Variants in CEMIP2 observed in about 807,000 individuals in gnomAD.
CEMIP2 encodes the protein cell surface hyaluronidase CEMIP2.
Under a neutral mutation model 146.9 loss-of-function variants are expected in CEMIP2, and 79 were observed. The ratio of observed to expected loss-of-function variants is 0.54; its 90% CI spans 0.45 to 0.65. The LOEUF (loss-of-function observed/expected upper bound fraction) is 0.65, where lower values mean the gene tolerates loss of function less well. Ranked by LOEUF, CEMIP2 falls within the 30% of genes least tolerant of loss-of-function variation. The probability of loss-of-function intolerance (pLI) is 0.00; values close to 1 mark genes in which losing one functional copy is unlikely to be tolerated. For missense variants in CEMIP2, 1,596 were observed against 1,696.2 expected (o/e 0.94, Z 1.04); for synonymous variants, 601 against 606.3 (o/e 0.99, Z 0.13).
intron 18 of CEMIP2, among the ~76,000 whole-genome samples, chr9:71,701,363 CCCAGAGTGCTGGGATT>C (rs1283769353): frequency 5.3e-5 from 8 of 152,182 alleles, no homozygotes; most frequent in African/African-American, 1.9e-4. Context: ...ACCTCAGCCT[CCCAGAGTGCTGGGATT>C]ACAGGCGTGA....
chr9:71,714,882 G>C, intron 15 of CEMIP2, 52 bp downstream of exon 15: 1 of 1,579,566 alleles, frequency 6.3e-7, no homozygotes, highest in Non-Finnish European at 8.6e-7. Context: ...CTGAGGGTTA[G>C]GTTTTCCTTT....
At chr9:71,695,947 C>T (rs1822388750) in intron 20 of CEMIP2, among the ~76,000 whole-genome samples, 1 of 151,916 alleles carries the variant, frequency 6.6e-6, no homozygotes, top group African/African-American at 2.4e-5. Context: ...GAGACCCCGC[C>T]TCTATATTTA....
intron 19 of CEMIP2, among the ~76,000 whole-genome samples, chr9:71,698,765 C>T (rs1356168605): frequency 6.6e-6 from 1 of 152,116 alleles, no homozygotes; most frequent in Non-Finnish European, 1.5e-5. Context: ...GCAAAATGAA[C>T]AGTCCATCCC....
rs748959123 is a variant in CEMIP2 at position 71,732,448 on chromosome 9, G to A, written c.1466C>T (p.Thr489Ile). Residue 489 changes from threonine to isoleucine, a missense_variant, in exon 7 of 24, where the codon ACC becomes ATC. Thr to Ile is a moderately conservative substitution (Grantham distance 89, BLOSUM62 -1). Coordinates refer to ENST00000377044, the MANE Select transcript of CEMIP2 (RefSeq NM_013390.3). Reference protein sequence around the residue: ...VDMRAEVGILTRNIVIQGEVE... With the variant: ...VDMRAEVGILIRNIVIQGEVE... ...TTCTCCTTGGATCACAATATTCCGG[G>A]TAAGAATTCCAACCTCAGCTCTCAT... 8.1e-6 allele frequency: 13 copies of A among 1,613,842 alleles called. No individual in the cohort carries two copies. The South Asian group carries it at 1.4e-4, about 18-fold the overall frequency.
chr9:71,697,062 A>C (rs1251622212), intron 20 of CEMIP2, among the ~76,000 whole-genome samples: 3 of 152,196 alleles, frequency 2.0e-5, no homozygotes, highest in Non-Finnish European at 4.4e-5. Context: ...CTCAAATGTG[A>C]ACATGTATCA....
At chr9:71,698,333 A>T in intron 19 of CEMIP2, 129 bp from the exon 20 acceptor site, 1 of 734,612 alleles carries the variant, frequency 1.4e-6, no homozygotes, top group South Asian at 1.8e-5. Flanking sequence ...CATAAATTAC[A>T]AAATGAATAG....
At chr9:71,743,417 C>T (rs1177551593) in intron 4 of CEMIP2, among the ~76,000 whole-genome samples, 1 of 152,084 alleles carries the variant, frequency 6.6e-6, no homozygotes, top group African/African-American at 2.4e-5. Flanking sequence ...GCATGTGTAT[C>T]ATATTTCAAA....
intron 11 of CEMIP2, among the ~76,000 whole-genome samples, chr9:71,723,607 T>C (rs1823304491): frequency 6.6e-6 from 1 of 152,214 alleles, no homozygotes; most frequent in African/African-American, 2.4e-5. Flanking sequence ...GACAGACATA[T>C]GAGAATAGGT....
intron 16 of CEMIP2, 53 bp from the exon 17 acceptor site, chr9:71,709,527 A>C: frequency 1.4e-5 from 21 of 1,474,732 alleles, no homozygotes; most frequent in Non-Finnish European, 1.9e-5. Flanking sequence ...CTGCTATCTC[A>C]GCATCCCCTG....
intron 2 of CEMIP2, 30 bp from the exon 3 acceptor site, chr9:71,746,371 C>T (rs1406264150): frequency 6.2e-7 from 1 of 1,611,174 alleles, no homozygotes. Flanking sequence ...CCATCCAACC[C>T]ATTAAAATGC....
At chr9:71,728,475 C>T (rs996481832) in intron 10 of CEMIP2, among the ~76,000 whole-genome samples, 3 of 149,136 alleles carry the variant, frequency 2.0e-5, no homozygotes, top group Non-Finnish European at 4.4e-5. Context: ...GAGCAAGACC[C>T]TGTCTCAGGG....
intron 10 of CEMIP2, among the ~76,000 whole-genome samples, chr9:71,727,702 A>T (rs1450704801): frequency 6.6e-6 from 1 of 152,238 alleles, no homozygotes; most frequent in Admixed American, 6.5e-5. Flanking sequence ...GTATCACTGC[A>T]AATTTCATTT....
chr9:71,743,768 C>T (rs1168368527), intron 4 of CEMIP2, among the ~76,000 whole-genome samples: 2 of 152,180 alleles, frequency 1.3e-5, no homozygotes, highest in Non-Finnish European at 2.9e-5. Flanking sequence ...CTAAATATCC[C>T]CTACATGAAT....
chr9:71,695,019 C>T (rs1042894779), intron 20 of CEMIP2, among the ~76,000 whole-genome samples: 2 of 151,802 alleles, frequency 1.3e-5, no homozygotes, highest in East Asian at 1.9e-4. Context: ...TGTTAAGAAA[C>T]GTTTACTAAC....
At chr9:71,728,754 T>C (rs563590250) in intron 10 of CEMIP2, among the ~76,000 whole-genome samples, 1 of 152,088 alleles carries the variant, frequency 6.6e-6, no homozygotes, top group Admixed American at 6.6e-5. Context: ...ACAACTGTCA[T>C]GGTATTCTCC....
chr9:71,686,342 C>A, intron 22 of CEMIP2: 1 of 163,854 alleles, frequency 6.1e-6, no homozygotes, highest in Non-Finnish European at 1.3e-5. Flanking sequence ...AATCTAATGC[C>A]CAATGATCTG....
intron 4 of CEMIP2, among the ~76,000 whole-genome samples, chr9:71,741,801 G>A (rs1823929178): frequency 6.6e-6 from 1 of 151,642 alleles, no homozygotes; most frequent in Non-Finnish European, 1.5e-5. Context: ...ACCACACCCA[G>A]CTAATTTTTG....
intron 19 of CEMIP2, 97 bp downstream of exon 19, chr9:71,700,545 A>G (rs1822529559): frequency 1.6e-6 from 2 of 1,248,564 alleles, no homozygotes; most frequent in Non-Finnish European, 2.2e-6. Flanking sequence ...TACCCACATC[A>G]GCTGCTTCAC....
chr9:71,701,674 G>T (rs1822566365), intron 18 of CEMIP2, among the ~76,000 whole-genome samples: 1 of 152,016 alleles, frequency 6.6e-6, no homozygotes, highest in Non-Finnish European at 1.5e-5. Flanking sequence ...CCTTTTTAAA[G>T]CTTTTGATGC....
Sources: allele counts gnomAD v4.1 joint callset (sites outside exome capture counted in the v4.1 genomes callset), GRCh38; gene constraint gnomAD v4.1.1; transcripts MANE v1.5; gene names NCBI Gene and HGNC (gene_info 2026-07-23, HGNC 2026-07-21).